CSDE1: variants seen among roughly 807,000 people sequenced by gnomAD.
The protein encoded by CSDE1 is cold shock domain-containing protein E1.
Under a neutral mutation model 89.3 loss-of-function variants are expected in CSDE1, and 17 were observed. The observed-to-expected ratio is 0.19, with a 90% CI of 0.13 to 0.29. CSDE1 has a LOEUF of 0.29. Ranked by LOEUF, CSDE1 falls within the 10% of genes least tolerant of loss-of-function variation. The pLI is 1.00. For synonymous variants in CSDE1, 322 were observed against 332.8 expected, an observed-to-expected ratio of 0.97 and a Z score of 0.35; for missense variants, 672 against 984.2, an observed-to-expected ratio of 0.68 and a Z score of 4.24.
intron 14 of CSDE1, among the ~76,000 whole-genome samples, chr1:114,725,851 G>A (rs1366525376): frequency 6.6e-6 from 1 of 152,108 alleles, no homozygotes; most frequent in Non-Finnish European, 1.5e-5. Context: ...GCTCAGGCTG[G>A]CCTCGAACTC....
At chr1:114,729,321 A>G (rs1285672459) in intron 12 of CSDE1, among the ~76,000 whole-genome samples, 2 of 151,488 alleles carry the variant, frequency 1.3e-5, no homozygotes, top group Non-Finnish European at 1.5e-5. Context: ...GGATGGTCTC[A>G]ATCTCCTGAC....
chr1:114,755,607 A>G (rs890210378), intron 1 of CSDE1, among the ~76,000 whole-genome samples: 10 of 152,248 alleles, frequency 6.6e-5, no homozygotes, highest in Non-Finnish European at 1.3e-4. Flanking sequence ...GACTGGGCAG[A>G]AGGGATTTAA....
At chr1:114,720,448 TG>T (rs1196904434) in intron 17 of CSDE1, 90 bp downstream of exon 17, 1 of 1,230,136 alleles carries the variant, frequency 8.1e-7, no homozygotes, top group Non-Finnish European at 1.1e-6. Flanking sequence ...GAATGAATGT[TG>T]ATGATTTCCC....
chr1:114,748,924 G>A (rs964542022), intron 2 of CSDE1, among the ~76,000 whole-genome samples: 24 of 152,168 alleles, frequency 1.6e-4, no homozygotes, highest in African/African-American at 5.8e-4. Flanking sequence ...ATAGACATCT[G>A]ATGGCTCTCC....
At chr1:114,749,765 T>TAA (rs1474098531) in intron 2 of CSDE1, 56 bp downstream of exon 2, 1 of 152,588 alleles carries the variant, frequency 6.6e-6, no homozygotes, top group Non-Finnish European at 1.5e-5. Flanking sequence ...TTTGACCAAA[T>TAA]AATCAGGAAA....
intron 12 of CSDE1, chr1:114,727,776 TC>T (rs963295176): frequency 3.9e-5 from 6 of 152,262 alleles, no homozygotes; most frequent in African/African-American, 1.4e-4. Flanking sequence ...AGATCGAACT[TC>T]CTTGTTCTCC....
At chr1:114,742,991 GAC>G (rs1236927705) in intron 2 of CSDE1, among the ~76,000 whole-genome samples, 1 of 152,078 alleles carries the variant, frequency 6.6e-6, no homozygotes, top group African/African-American at 2.4e-5. Flanking sequence ...TTACAATGCA[GAC>G]ACAGAATTAT....
chr1:114,724,165 C>T (rs1659676604), intron 15 of CSDE1, 163 bp from the exon 16 acceptor site: 2 of 565,116 alleles, frequency 3.5e-6, no homozygotes, highest in South Asian at 5.0e-5. Flanking sequence ...TTTAGAACAG[C>T]TGCTGGACTT....
chr1:114,739,249 T>C (rs1021699992), intron 3 of CSDE1, among the ~76,000 whole-genome samples: 2 of 152,142 alleles, frequency 1.3e-5, no homozygotes, highest in African/African-American at 4.8e-5. Context: ...GCCAGGATGG[T>C]CTCTATCTCC....
chr1:114,757,043 G>A (rs1316132947), intron 1 of CSDE1, among the ~76,000 whole-genome samples: 2 of 152,282 alleles, frequency 1.3e-5, no homozygotes, highest in East Asian at 3.9e-4. Flanking sequence ...CCAGGCGCTG[G>A]CACCATGAGA....
chr1:114,751,087 T>C lies in CSDE1; in HGVS notation c.-387-880A>G, dbSNP rs2101087784. 2.0e-5 allele frequency among the ~76,000 whole-genome samples: 3 copies of C among 152,292 alleles called. 1 individual carries two copies. Among genetic ancestry groups the C allele is most frequent in the Middle Eastern group, 6.8e-3 (2 of 294 alleles). ...TTCAACGTGATGTAACAGGAAACAG[T>C]GCCTTAGTTTTTGATGAAAGTGGTA... On this transcript the variant is annotated intron_variant, in intron 1 of 19. Coordinates refer to ENST00000358528, the MANE Select transcript of CSDE1 (RefSeq NM_001007553.3).
chr1:114,738,661 C>CTTTTTTTT lies in CSDE1; in HGVS notation c.200-597_200-590dup, dbSNP rs752985259. Reference sequence around the variant, plus strand: ...AAGCCAAACACTTCACATGTAAAAACTTTTTTTTTTTTTTTTTTTTTTTTT... The same window carrying CTTTTTTTT: ...AAGCCAAACACTTCACATGTAAAAACTTTTTTTTTTTTTTTTTTTTTTTTTTTTTTTTT... On this transcript the variant is annotated intron_variant, in intron 3 of 19. Transcript: ENST00000358528. 5.2e-4 allele frequency among the ~76,000 whole-genome samples: 42 copies of CTTTTTTTT among 80,044 alleles called. 4 individuals carry two copies. Among genetic ancestry groups the CTTTTTTTT allele is most frequent in the African/African-American group, 6.2e-4 (12 of 19,344 alleles). The allele number at this position is 80,044 out of a possible 152,430, so 52.5% of individuals were successfully genotyped here. A position where few individuals can be genotyped will look rare whatever the true frequency, so the allele number is the denominator to read the frequency against.
At chr1:114,744,804 A>G (rs1245488245) in intron 2 of CSDE1, among the ~76,000 whole-genome samples, 1 of 152,198 alleles carries the variant, frequency 6.6e-6, no homozygotes, top group East Asian at 1.9e-4. Context: ...AGGGCAAATC[A>G]GTACAATTAA....
chr1:114,753,869 C>T (rs1661445070), intron 1 of CSDE1, among the ~76,000 whole-genome samples: 1 of 152,056 alleles, frequency 6.6e-6, no homozygotes, highest in Non-Finnish European at 1.5e-5. Context: ...TGAGCTATGA[C>T]TGTGCCACTG....
At chr1:114,726,168 G>GGAT (rs1374982246) in intron 14 of CSDE1, 43 bp downstream of exon 14, 6 of 1,534,222 alleles carry the variant, frequency 3.9e-6, no homozygotes, top group Non-Finnish European at 5.3e-6. Context: ...ACCAAAGAAT[G>GGAT]GATGGTAAGT....
chr1:114,722,741 A>G (rs139040813), intron 16 of CSDE1, among the ~76,000 whole-genome samples: 2 of 152,344 alleles, frequency 1.3e-5, no homozygotes, highest in Non-Finnish European at 2.9e-5. Context: ...ATATCATATT[A>G]TGAGTTAAAG....
At chr1:114,737,879 A>G in intron 4 of CSDE1, 84 bp downstream of exon 4, 1 of 921,798 alleles carries the variant, frequency 1.1e-6, no homozygotes, top group South Asian at 1.3e-5. Context: ...CAAACTGAGG[A>G]GATGGGGAGA....
At chr1:114,727,566 G>C (rs1274944044) in intron 12 of CSDE1, among the ~76,000 whole-genome samples, 1 of 152,122 alleles carries the variant, frequency 6.6e-6, no homozygotes, top group Non-Finnish European at 1.5e-5. Flanking sequence ...TTTGGTGTAT[G>C]ATCTAGCACA....
chr1:114,752,210 G>A (rs879346934), intron 1 of CSDE1, among the ~76,000 whole-genome samples: 4 of 152,164 alleles, frequency 2.6e-5, no homozygotes, highest in Non-Finnish European at 2.9e-5. Flanking sequence ...CAGCACTACA[G>A]CCTGGGAGAC....
Sources: gnomAD v4.1 joint callset for allele counts (sites outside exome capture counted in the v4.1 genomes callset) on GRCh38, gnomAD v4.1.1 for gene constraint, MANE v1.5 for transcripts, NCBI Gene and HGNC (gene_info 2026-07-23, HGNC 2026-07-21) for gene names.